DLG2: variants seen among roughly 807,000 people sequenced by gnomAD.
The protein encoded by DLG2 is disks large homolog 2.
A neutral mutation model predicts 132.5 loss-of-function variants in DLG2; 45 were observed. The ratio of observed to expected loss-of-function variants is 0.34; its 90% CI spans 0.27 to 0.44. The LOEUF (loss-of-function observed/expected upper bound fraction) is 0.44, where lower values mean the gene tolerates loss of function less well. DLG2 is among the 20% of genes least tolerant of loss of function. DLG2 has a pLI of 1.00. For missense variants in DLG2, 1,045 were observed against 1,196.9 expected, an observed-to-expected ratio of 0.87 and a Z score of 1.87; for synonymous variants, 424 against 419.6, an observed-to-expected ratio of 1.01 and a Z score of -0.13.
intron 4 of DLG2, among the ~76,000 whole-genome samples, chr11:85,260,839 G>A (rs1434875930): frequency 1.3e-5 from 2 of 152,198 alleles, no homozygotes; most frequent in South Asian, 4.1e-4. Flanking sequence ...TGATCTGCAT[G>A]TGGGAAAGAA....
At chr11:83,785,201 C>T (rs1346670955) in intron 18 of DLG2, among the ~76,000 whole-genome samples, 1 of 151,966 alleles carries the variant, frequency 6.6e-6, no homozygotes, top group East Asian at 1.9e-4. Context: ...ACTACAGGTG[C>T]CAGCTACCAC....
At chr11:84,112,297 C>CTT (rs1259395317) in intron 9 of DLG2, among the ~76,000 whole-genome samples, 2 of 139,216 alleles carry the variant, frequency 1.4e-5, no homozygotes, top group African/African-American at 5.3e-5. Context: ...CGCATCCGGC[C>CTT]TTTTTTTTTT....
intron 8 of DLG2, among the ~76,000 whole-genome samples, chr11:84,169,145 C>A (rs987012285): frequency 6.6e-6 from 1 of 152,058 alleles, no homozygotes; most frequent in Non-Finnish European, 1.5e-5. Flanking sequence ...AGTTCTTCCT[C>A]GTATGGTTAT....
intron 4 of DLG2, among the ~76,000 whole-genome samples, chr11:85,264,399 T>C (rs1022792822): frequency 6.6e-6 from 1 of 152,150 alleles, no homozygotes; most frequent in East Asian, 1.9e-4. Context: ...TTTGGCATTT[T>C]CCCCCTTAGG....
chr11:83,775,089 C>T (rs1230553497), intron 18 of DLG2, among the ~76,000 whole-genome samples: 1 of 152,198 alleles, frequency 6.6e-6, no homozygotes, highest in African/African-American at 2.4e-5. Flanking sequence ...CCAGGCCCTA[C>T]TCCAAGCCGC....
chr11:84,191,151 G>T (rs892961756), intron 8 of DLG2, among the ~76,000 whole-genome samples: 1 of 152,154 alleles, frequency 6.6e-6, no homozygotes, highest in African/African-American at 2.4e-5. Flanking sequence ...GAGAAAGTCA[G>T]ATTTTTTTAT....
intron 11 of DLG2, among the ~76,000 whole-genome samples, chr11:83,999,154 G>A (rs991942839): frequency 6.6e-6 from 1 of 152,172 alleles, no homozygotes; most frequent in Non-Finnish European, 1.5e-5. Flanking sequence ...TACCATAGCT[G>A]ATGCTGGCAT....
chr11:84,137,962 G>A (rs1217396809), intron 9 of DLG2, among the ~76,000 whole-genome samples: 1 of 152,128 alleles, frequency 6.6e-6, no homozygotes, highest in African/African-American at 2.4e-5. Context: ...CTTGTTAGCT[G>A]TTCAAATGCC....
At chr11:84,896,581 AT>A (rs1359304771) in intron 6 of DLG2, among the ~76,000 whole-genome samples, 1 of 152,052 alleles carries the variant, frequency 6.6e-6, no homozygotes, top group Non-Finnish European at 1.5e-5. Flanking sequence ...CCAGACTGTC[AT>A]TTTTGTCATA....
chr11:84,680,139 T>C (rs992973235), intron 6 of DLG2, among the ~76,000 whole-genome samples: 2 of 152,134 alleles, frequency 1.3e-5, no homozygotes, highest in Non-Finnish European at 2.9e-5. Flanking sequence ...TTCCAGCATA[T>C]GGTCTTTGCC....
At chr11:83,842,199 C>T (rs1204384244) in intron 16 of DLG2, among the ~76,000 whole-genome samples, 3 of 152,130 alleles carry the variant, frequency 2.0e-5, no homozygotes, top group Admixed American at 1.3e-4. Flanking sequence ...CAGCTGGAGT[C>T]TCAGAGGATC....
chr11:83,740,251 C>T (rs2092396285), intron 18 of DLG2, among the ~76,000 whole-genome samples: 1 of 152,008 alleles, frequency 6.6e-6, no homozygotes, highest in Non-Finnish European at 1.5e-5. Flanking sequence ...CAGAAACAGC[C>T]TAAATGTCCA....
intron 3 of DLG2, among the ~76,000 whole-genome samples, chr11:85,549,962 G>A (rs983322759): frequency 6.6e-6 from 1 of 152,182 alleles, no homozygotes; most frequent in African/African-American, 2.4e-5. Context: ...TCCATCCCTT[G>A]TCTACCATAA....
chr11:84,188,306 T>C (rs2096325287), intron 8 of DLG2, among the ~76,000 whole-genome samples: 1 of 152,178 alleles, frequency 6.6e-6, no homozygotes, highest in African/African-American at 2.4e-5. Flanking sequence ...ATTTGGAATT[T>C]ATTTTTAACC....
intron 25 of DLG2, among the ~76,000 whole-genome samples, chr11:83,467,132 G>A (rs7108810): frequency 0.26 from 39,102 of 152,086 alleles, 5,056 homozygotes; most frequent in Non-Finnish European, 0.27. Flanking sequence ...GACTGAGTCT[G>A]TTCTCATGAA....
intron 4 of DLG2, among the ~76,000 whole-genome samples, chr11:85,193,982 C>A (rs1337490419): frequency 1.3e-5 from 2 of 152,164 alleles, no homozygotes; most frequent in Admixed American, 6.5e-5. Context: ...AACAATGGGG[C>A]CTCAGGGATG....
chr11:84,058,345 T>C (rs896396287), intron 11 of DLG2, among the ~76,000 whole-genome samples: 1 of 151,710 alleles, frequency 6.6e-6, no homozygotes, highest in Non-Finnish European at 1.5e-5. Flanking sequence ...AGAACAGAGT[T>C]CAAAGCATTA....
At chr11:84,341,128 T>G (rs1847269179) in intron 7 of DLG2, among the ~76,000 whole-genome samples, 1 of 152,166 alleles carries the variant, frequency 6.6e-6, no homozygotes, top group East Asian at 1.9e-4. Flanking sequence ...TTCCATTGCA[T>G]AGTAGCTGTG....
intron 11 of DLG2, among the ~76,000 whole-genome samples, chr11:84,059,048 T>C (rs1051588136): frequency 5.9e-5 from 9 of 152,126 alleles, no homozygotes; most frequent in Non-Finnish European, 2.9e-5. Context: ...CCCAGTAAGA[T>C]TAAAAATTTA....
Sources: allele counts gnomAD v4.1 joint callset (sites outside exome capture counted in the v4.1 genomes callset), GRCh38; gene constraint gnomAD v4.1.1; transcripts MANE v1.5; gene names NCBI Gene and HGNC (gene_info 2026-07-23, HGNC 2026-07-21).